The following DENND2B variants were observed in gnomAD, a reference collection of about 807,000 sequenced individuals.
The protein encoded by DENND2B is DENN domain containing 2B.
Under a neutral mutation model 116.0 loss-of-function variants are expected in DENND2B, and 32 were observed. The ratio of observed to expected loss-of-function variants is 0.28; its 90% CI spans 0.21 to 0.37. The LOEUF (loss-of-function observed/expected upper bound fraction) is 0.37, where lower values mean the gene tolerates loss of function less well. Ranked by LOEUF, DENND2B falls within the 10% of genes least tolerant of loss-of-function variation. The pLI is 1.00. For missense variants in DENND2B, 1,276 were observed against 1,477.7 expected (o/e 0.86, Z 2.24); for synonymous variants, 588 against 583.9 (o/e 1.01, Z -0.10).
At chr11:8,731,766 T>C (rs1459338015) in intron 2 of DENND2B, among the ~76,000 whole-genome samples, 1 of 152,202 alleles carries the variant, frequency 6.6e-6, no homozygotes, top group Non-Finnish European at 1.5e-5. Flanking sequence ...AACAGCAGAT[T>C]GGTAGCACTT....
At chr11:8,819,390 C>T (rs1159865704) in intron 4 of DENND2B, among the ~76,000 whole-genome samples, 1 of 151,776 alleles carries the variant, frequency 6.6e-6, no homozygotes, top group Non-Finnish European at 1.5e-5. Context: ...CAGAGTGAGA[C>T]CTTGTCTCAA....
At chr11:8,827,660 G>A (rs187425338) in intron 4 of DENND2B, among the ~76,000 whole-genome samples, 1 of 152,324 alleles carries the variant, frequency 6.6e-6, no homozygotes, top group East Asian at 1.9e-4. Flanking sequence ...AGAGTTGTCA[G>A]AGGCTTAGAG....
intron 3 of DENND2B, among the ~76,000 whole-genome samples, chr11:8,851,456 C>T (rs2063004195): frequency 6.6e-6 from 1 of 152,136 alleles, no homozygotes; most frequent in Non-Finnish European, 1.5e-5. Context: ...CCATTTTTAT[C>T]TTATCAGATT....
intron 4 of DENND2B, chr11:8,718,941 G>T: frequency 1.0e-6 from 1 of 987,876 alleles, no homozygotes; most frequent in East Asian, 1.1e-4. Context: ...GGGGTGAACA[G>T]GTCCCTGGGG....
intron 16 of DENND2B, chr11:8,697,999 T>G: frequency 4.7e-6 from 2 of 425,272 alleles, no homozygotes; most frequent in Non-Finnish European, 9.3e-6. Context: ...ATTAGTCAAG[T>G]ATGGTGGCAT....
chr11:8,836,953 T>A (rs1353231362), intron 4 of DENND2B, among the ~76,000 whole-genome samples: 3 of 152,336 alleles, frequency 2.0e-5, no homozygotes, highest in Middle Eastern at 3.4e-3. Flanking sequence ...TGGGATCAAG[T>A]GATCTGTCTG....
At chr11:8,859,290 G>GTTTT (rs869212087) in intron 2 of DENND2B, among the ~76,000 whole-genome samples, 60 of 136,746 alleles carry the variant, frequency 4.4e-4, no homozygotes, top group Non-Finnish European at 4.1e-4. Flanking sequence ...ACACTAACGT[G>GTTTT]TTTTTTTGTT....
intron 1 of DENND2B, 129 bp from the exon 2 acceptor site, chr11:8,750,854 T>C: frequency 4.0e-6 from 3 of 741,684 alleles, no homozygotes; most frequent in South Asian, 1.7e-5. Context: ...GCTTTCCCAC[T>C]TAATGTTTAA....
chr11:8,819,915 G>A (rs2061699872), intron 4 of DENND2B, among the ~76,000 whole-genome samples: 1 of 152,242 alleles, frequency 6.6e-6, no homozygotes, highest in African/African-American at 2.4e-5. Flanking sequence ...TCATTGTACT[G>A]TAGTTACACA....
intron 1 of DENND2B, among the ~76,000 whole-genome samples, chr11:8,804,701 T>C (rs572648959): frequency 1.3e-5 from 2 of 152,074 alleles, no homozygotes; most frequent in Admixed American, 1.3e-4. Context: ...CACACCACTA[T>C]GCCCGGCCAG....
Position 8,707,627 on chromosome 11 carries a change from G to C in DENND2B, c.2430+150C>G. 1 of 757,164 alleles carries C rather than the reference G, an allele frequency of 1.3e-6. No individual in the cohort carries two copies. The highest frequency in any genetic ancestry group is 1.8e-5 in the South Asian group (1 of 56,482). 46.9% of individuals were successfully genotyped at this position (757,164 alleles called of 1,614,324 possible). A position where few individuals can be genotyped will look rare whatever the true frequency, so the allele number is the denominator to read the frequency against. On this transcript the variant is annotated intron_variant, in intron 12 of 19. Transcript: ENST00000313726. This position sits in a 1 kb window ranked among gnomAD's most constrained non-coding sequence, Gnocchi z 4.8. ...GAGAACCAGGCCGGGGAATGGGAGGGTGTCAGAGAGCTCACTGGTACTTGT... is the reference window on the plus strand; with the variant it reads ...GAGAACCAGGCCGGGGAATGGGAGGCTGTCAGAGAGCTCACTGGTACTTGT...
At chr11:8,734,844 G>T (rs2048726380) in intron 2 of DENND2B, among the ~76,000 whole-genome samples, 1 of 150,060 alleles carries the variant, frequency 6.7e-6, no homozygotes, top group Non-Finnish European at 1.5e-5. Flanking sequence ...ATCCCTGTGA[G>T]AAATAGTACC....
intron 4 of DENND2B, among the ~76,000 whole-genome samples, chr11:8,723,702 C>T (rs996207503): frequency 2.0e-5 from 3 of 152,150 alleles, no homozygotes; most frequent in Admixed American, 6.6e-5. Context: ...TGTTCTGATG[C>T]CCCTAGCTCT....
rs1309033170 is a variant in DENND2B at position 8,766,624 on chromosome 11, T to C, written c.-25-15899A>G. 3.9e-6 allele frequency: 5 copies of C among 1,289,072 alleles called. No homozygotes were observed. In the Admixed American group the frequency reaches 1.1e-4, roughly 30 times the overall value. 79.9% of individuals were successfully genotyped at this position (1,289,072 alleles called of 1,614,324 possible). ...AACTCAGGCTTTCTGGGTGAAGATCTGCACGAAAATACCTTCTTTGTTCCC... is the reference window on the plus strand; with the variant it reads ...AACTCAGGCTTTCTGGGTGAAGATCCGCACGAAAATACCTTCTTTGTTCCC... On this transcript the variant is annotated intron_variant, in intron 1 of 19. Transcript: ENST00000313726.
intron 1 of DENND2B, among the ~76,000 whole-genome samples, chr11:8,891,416 A>G (rs1490283652): frequency 6.6e-6 from 1 of 152,254 alleles, no homozygotes; most frequent in African/African-American, 2.4e-5. Context: ...TAAATGGGCT[A>G]AATGTGCCAA....
At chr11:8,862,293 G>T (rs1247680248) in intron 2 of DENND2B, among the ~76,000 whole-genome samples, 2 of 149,258 alleles carry the variant, frequency 1.3e-5, no homozygotes, top group Admixed American at 6.7e-5. Flanking sequence ...GTCCAAGTCA[G>T]TGAGGGGAAA....
chr11:8,718,249 T>TA (rs1286721425), intron 4 of DENND2B: 2 of 1,066,792 alleles, frequency 1.9e-6, no homozygotes, highest in African/African-American at 3.1e-5. Context: ...TTGGCTCCCT[T>TA]CCCTCTGCTG....
chr11:8,839,287 AAAAAC>A (rs1373303983), intron 4 of DENND2B: 1 of 152,222 alleles, frequency 6.6e-6, no homozygotes, highest in African/African-American at 2.4e-5. Flanking sequence ...CACTGATTTA[AAAAAC>A]AAAAGGTAAA....
chr11:8,715,711 C>T lies in DENND2B; in HGVS notation c.1737G>A (p.Leu579=), dbSNP rs1240594210. ...ACGGCAGACTCAGCTGAGCCAGCAG[C>T]AGCATGTCGTCATGGCTGTGCCTCT... is the stretch of plus-strand genomic sequence containing the variant. ...LPKRHSHDDM[L]LLAQLSLPSS... The change falls in exon 6 of 20, where the codon CTG becomes CTA. Residue 579 remains leucine (L), a synonymous_variant. Coordinates refer to ENST00000313726, the MANE Select transcript of DENND2B (RefSeq NM_213618.2). 1.2e-6 allele frequency: 2 copies of T among 1,614,118 alleles called. No individual in the cohort carries two copies. Among genetic ancestry groups the T allele is most frequent in the Admixed American group, 3.3e-5 (2 of 60,010 alleles).
Sources: gnomAD v4.1 joint callset for allele counts (sites outside exome capture counted in the v4.1 genomes callset) on GRCh38, gnomAD v4.1.1 for gene constraint, Gnocchi (gnomAD v3.1) non-coding constraint, MANE v1.5 for transcripts, NCBI Gene and HGNC (gene_info 2026-07-23, HGNC 2026-07-21) for gene names.